Variants in CHST11 observed in about 807,000 individuals in gnomAD.
CHST11 encodes the protein C4S-1.
A neutral mutation model predicts 30.4 loss-of-function variants in CHST11; 9 were observed. That is an observed-to-expected ratio of 0.30 (90% CI 0.18 to 0.52). The LOEUF is 0.52. CHST11 is among the 20% of genes least tolerant of loss of function. The probability of loss-of-function intolerance (pLI) is 0.97; values close to 1 mark genes in which losing one functional copy is unlikely to be tolerated. For missense variants in CHST11, 348 were observed against 460.6 expected, an observed-to-expected ratio of 0.76 and a Z score of 2.24; for synonymous variants, 152 against 187.8, an observed-to-expected ratio of 0.81 and a Z score of 1.56.
chr12:104,716,111 C>G (rs2040129028), intron 2 of CHST11, among the ~76,000 whole-genome samples: 1 of 152,146 alleles, frequency 6.6e-6, no homozygotes, highest in Non-Finnish European at 1.5e-5. Context: ...TGTGTCTGCA[C>G]ACGGGGTGCC....
chr12:104,607,696 C>T (rs530945595), intron 2 of CHST11, among the ~76,000 whole-genome samples: 1 of 152,162 alleles, frequency 6.6e-6, no homozygotes, highest in East Asian at 1.9e-4. Context: ...GGGTTTGTGG[C>T]TGGAGTGAAG....
intron 1 of CHST11, among the ~76,000 whole-genome samples, chr12:104,534,385 CCTT>C (rs1296795614): frequency 1.4e-4 from 22 of 152,222 alleles, no homozygotes; most frequent in African/African-American, 5.1e-4. Context: ...GCCTCTTCCT[CCTT>C]CTTCCCTCAG....
At chr12:104,668,428 G>A (rs1362275555) in intron 2 of CHST11, among the ~76,000 whole-genome samples, 1 of 152,192 alleles carries the variant, frequency 6.6e-6, no homozygotes, top group African/African-American at 2.4e-5. Context: ...TGACAACACA[G>A]AACACACTGC....
intron 1 of CHST11, among the ~76,000 whole-genome samples, chr12:104,467,505 G>A (rs527967678): frequency 8.5e-5 from 13 of 152,304 alleles, no homozygotes; most frequent in East Asian, 1.9e-4. Flanking sequence ...CAGTTCTAGC[G>A]GTGGTGGAGG....
Position 104,480,263 on chromosome 12 carries a change from G to A in CHST11, c.118+22734G>A, listed in dbSNP as rs181485278. ...GAATGTGACTTGACTTGGAAATAGG[G>A]GCATTGCAAATATAGTTAGTTAAGA... On this transcript the variant is annotated intron_variant, in intron 1 of 2. Transcript: ENST00000303694. 1.2e-3 allele frequency among the ~76,000 whole-genome samples: 176 copies of A among 152,098 alleles called. 1 individual carries two copies. Among genetic ancestry groups the A allele is most frequent in the African/African-American group, 4.1e-3 (172 of 41,484 alleles).
rs1431487444 is a variant in CHST11, at chr12:104,637,317, A to C, written c.204+35326A>C. The stretch of plus-strand genomic sequence containing the variant: ...TGAGACCCTGTAAAAAAAAAAAAAA[A>C]AAAAAAAAAAAAAAAAAAGGGGGTT... On this transcript the variant is annotated intron_variant, in intron 2 of 2. Coordinates refer to ENST00000303694, the MANE Select transcript of CHST11 (RefSeq NM_018413.6). Among the ~76,000 whole-genome samples, 2 of 98,048 alleles carry C rather than the reference A, an allele frequency of 2.0e-5. 1 individual carries two copies. Among genetic ancestry groups the C allele is most frequent in the African/African-American group, 8.7e-5 (2 of 23,042 alleles). 64.3% of individuals were successfully genotyped at this position (98,048 alleles called of 152,430 possible).
chr12:104,508,448 C>A (rs1373793125), intron 1 of CHST11, among the ~76,000 whole-genome samples: 1 of 152,218 alleles, frequency 6.6e-6, no homozygotes, highest in Non-Finnish European at 1.5e-5. Flanking sequence ...AGGAAATGCT[C>A]AATAGATGTT....
chr12:104,622,136 A>G (rs1274286728), intron 2 of CHST11, among the ~76,000 whole-genome samples: 3 of 152,240 alleles, frequency 2.0e-5, no homozygotes, highest in Non-Finnish European at 4.4e-5. Context: ...ATCCTTGTAC[A>G]TATTCATAAG....
At chr12:104,637,855 T>C (rs2039340357) in intron 2 of CHST11, among the ~76,000 whole-genome samples, 1 of 152,140 alleles carries the variant, frequency 6.6e-6, no homozygotes, top group Non-Finnish European at 1.5e-5. Context: ...CCTTCTCCCT[T>C]TGCCGCACCC....
At chr12:104,488,750 T>C (rs1320585496) in intron 1 of CHST11, among the ~76,000 whole-genome samples, 3 of 144,234 alleles carry the variant, frequency 2.1e-5, no homozygotes, top group Non-Finnish European at 4.4e-5. Flanking sequence ...CGTGTGTGTG[T>C]GTGTGTGTGT....
At chr12:104,621,512 G>C (rs931077672) in intron 2 of CHST11, among the ~76,000 whole-genome samples, 4 of 152,218 alleles carry the variant, frequency 2.6e-5, no homozygotes, top group Non-Finnish European at 4.4e-5. Flanking sequence ...TTTTAAGATG[G>C]AGAGATTATC....
rs938459334 is a variant in CHST11 at position 104,729,903 on chromosome 12, C to T, written c.205-27046C>T. Among the ~76,000 whole-genome samples the T allele has an allele frequency of 3.3e-5, 5 of 152,192 alleles. No individual in the cohort carries two copies. The highest frequency in any genetic ancestry group is 7.2e-5 in the African/African-American group (3 of 41,436). ...GGCAAGGCCTCCTCCTCTGGCCGTGCGTGTCTGGCTGCTGGTTGGTGTCGG... is the reference window on the plus strand; with the variant it reads ...GGCAAGGCCTCCTCCTCTGGCCGTGTGTGTCTGGCTGCTGGTTGGTGTCGG... On this transcript the variant is annotated intron_variant, in intron 2 of 2. Transcript: ENST00000303694. This position sits in a 1 kb window ranked among gnomAD's most constrained non-coding sequence, Gnocchi z 4.0.
At chr12:104,619,817 A>T (rs573084346) in intron 2 of CHST11, among the ~76,000 whole-genome samples, 2 of 152,332 alleles carry the variant, frequency 1.3e-5, no homozygotes, top group East Asian at 3.9e-4. Flanking sequence ...AAATTAACTC[A>T]TGCTAAGCCC....
intron 1 of CHST11, among the ~76,000 whole-genome samples, chr12:104,470,176 A>G (rs1426568840): frequency 6.6e-6 from 1 of 152,232 alleles, no homozygotes; most frequent in Non-Finnish European, 1.5e-5. Flanking sequence ...CCAGCTCAAA[A>G]TATCAATAGT....
Position 104,672,623 on chromosome 12 carries a change from G to A in CHST11, c.204+70632G>A, listed in dbSNP as rs534094760. ...CTTCACCACCTCCAAAGGGACCTCG[G>A]GAGGAGTAACCTCCCAATGGGGCAA... On this transcript the variant is annotated intron_variant, in intron 2 of 2. Coordinates refer to ENST00000303694, the MANE Select transcript of CHST11 (RefSeq NM_018413.6). Among the ~76,000 whole-genome samples the A allele has an allele frequency of 3.3e-5, 5 of 152,312 alleles. No homozygotes were observed. The South Asian group carries it at 1.0e-3, about 32-fold the overall frequency.
At chr12:104,479,689 A>G (rs2037599776) in intron 1 of CHST11, among the ~76,000 whole-genome samples, 2 of 152,234 alleles carry the variant, frequency 1.3e-5, no homozygotes, top group South Asian at 2.1e-4. Context: ...AGTAGGTAGT[A>G]TGCTAGGAAG....
intron 2 of CHST11, among the ~76,000 whole-genome samples, chr12:104,622,091 A>G (rs2039165411): frequency 6.6e-6 from 1 of 152,242 alleles, no homozygotes; most frequent in Non-Finnish European, 1.5e-5. Flanking sequence ...TGGCTTACAT[A>G]CCGGCAGGGA....
At chr12:104,567,593 G>A (rs895928411) in intron 1 of CHST11, among the ~76,000 whole-genome samples, 1 of 152,232 alleles carries the variant, frequency 6.6e-6, no homozygotes, top group East Asian at 1.9e-4. Context: ...TCCCCAGTGA[G>A]AGCCTCACAG....
intron 2 of CHST11, among the ~76,000 whole-genome samples, chr12:104,709,042 G>A (rs2040061653): frequency 2.0e-5 from 3 of 152,318 alleles, no homozygotes; most frequent in South Asian, 4.1e-4. Flanking sequence ...TAGGGCACCC[G>A]GGATGAGGAG....
Sources: allele counts gnomAD v4.1 joint callset (sites outside exome capture counted in the v4.1 genomes callset), GRCh38; gene constraint gnomAD v4.1.1; non-coding constraint Gnocchi (gnomAD v3.1); transcripts MANE v1.5; gene names NCBI Gene and HGNC (gene_info 2026-07-23, HGNC 2026-07-21).